MARCHF1: variants seen among roughly 807,000 people sequenced by gnomAD.
MARCHF1 encodes membrane associated ring-CH-type finger 1, also known as E3 ubiquitin-protein ligase MARCHF1.
In MARCHF1, 40 loss-of-function variants were observed where a neutral mutation model predicts 54.2. That is an observed-to-expected ratio of 0.74 (90% confidence interval 0.57 to 0.96). The LOEUF (loss-of-function observed/expected upper bound fraction) is 0.96. MARCHF1 is among the 40% of genes least tolerant of loss of function. The pLI is 0.00. For synonymous variants in MARCHF1, 236 were observed against 236.3 expected (o/e 1.00, Z 0.01); for missense variants, 586 against 656.5 (o/e 0.89, Z 1.17).
At chr4:164,000,934 T>C (rs1753174701) in intron 2 of MARCHF1, among the ~76,000 whole-genome samples, 1 of 151,660 alleles carries the variant, frequency 6.6e-6, no homozygotes, top group Non-Finnish European at 1.5e-5. Context: ...ATCGGTTATG[T>C]TTAGTTAGTC....
chr4:163,618,907 G>A (rs1741593700), intron 5 of MARCHF1, among the ~76,000 whole-genome samples: 1 of 149,834 alleles, frequency 6.7e-6, no homozygotes, highest in South Asian at 2.1e-4. Context: ...CTAACGTAGA[G>A]TAGAACAGGG....
At chr4:163,720,927 G>A (rs59368555) in intron 4 of MARCHF1, among the ~76,000 whole-genome samples, 5,901 of 152,174 alleles carry the variant, frequency 0.039, 174 homozygotes, top group East Asian at 0.078. Context: ...GGAGATTTTG[G>A]GCTGAGACGA....
intron 8 of MARCHF1, 64 bp from the exon 9 acceptor site, chr4:163,545,807 T>C: frequency 1.4e-6 from 2 of 1,472,918 alleles, no homozygotes; most frequent in South Asian, 1.2e-5. Context: ...TCCTCTTTTA[T>C]TTCCCAGACA....
intron 2 of MARCHF1, among the ~76,000 whole-genome samples, chr4:164,020,924 T>C (rs1191613713): frequency 6.6e-6 from 1 of 152,166 alleles, no homozygotes; most frequent in Non-Finnish European, 1.5e-5. Context: ...AAGACCATAG[T>C]GACTACGGTT....
chr4:163,833,218 G>C (rs1203081261), intron 4 of MARCHF1, among the ~76,000 whole-genome samples: 1 of 152,170 alleles, frequency 6.6e-6, no homozygotes, highest in Non-Finnish European at 1.5e-5. Flanking sequence ...CAGTGTAAAA[G>C]TGTTCCTATT....
At chr4:164,121,534 C>A (rs1046908527) in intron 1 of MARCHF1, among the ~76,000 whole-genome samples, 11 of 152,082 alleles carry the variant, frequency 7.2e-5, no homozygotes, top group Non-Finnish European at 1.6e-4. Flanking sequence ...CACTCACTGT[C>A]ATGAGAACAG....
intron 1 of MARCHF1, among the ~76,000 whole-genome samples, chr4:164,141,383 C>CTT (rs1756530167): frequency 6.6e-6 from 1 of 152,202 alleles, no homozygotes; most frequent in African/African-American, 2.4e-5. Flanking sequence ...TTTTAGCTGT[C>CTT]TTTAGACAAC....
intron 1 of MARCHF1, among the ~76,000 whole-genome samples, chr4:164,229,322 C>G (rs1019168050): frequency 2.6e-5 from 4 of 152,178 alleles, no homozygotes; most frequent in Non-Finnish European, 5.9e-5. Flanking sequence ...TTTGTGTGCT[C>G]TCTCTTTGGA....
intron 1 of MARCHF1, among the ~76,000 whole-genome samples, chr4:164,247,720 G>T (rs571872668): frequency 2.2e-4 from 33 of 151,052 alleles, no homozygotes; most frequent in African/African-American, 5.6e-4. Context: ...GAGATATTAT[G>T]TCGCTGTTTT....
intron 3 of MARCHF1, among the ~76,000 whole-genome samples, chr4:163,986,554 G>C (rs1008096250): frequency 3.3e-5 from 5 of 151,882 alleles, no homozygotes; most frequent in African/African-American, 9.7e-5. Context: ...CGTGAGCCAC[G>C]GCACCCGGCC....
At chr4:163,653,632 G>A (rs899500725) in intron 5 of MARCHF1, among the ~76,000 whole-genome samples, 15 of 151,586 alleles carry the variant, frequency 9.9e-5, no homozygotes, top group Admixed American at 3.3e-4. Context: ...ACTGATTATG[G>A]GACAGTTTGA....
At chr4:164,363,709 C>A (rs1009778405) in intron 1 of MARCHF1, among the ~76,000 whole-genome samples, 5 of 151,808 alleles carry the variant, frequency 3.3e-5, no homozygotes, top group Non-Finnish European at 1.5e-5. Context: ...TAAACAAAAC[C>A]GTCATTCAAT....
chr4:163,936,380 A>T (rs1016213271), intron 3 of MARCHF1, among the ~76,000 whole-genome samples: 1 of 152,248 alleles, frequency 6.6e-6, no homozygotes, highest in African/African-American at 2.4e-5. Context: ...AAAACAACAA[A>T]ATTGCATTGT....
intron 5 of MARCHF1, among the ~76,000 whole-genome samples, chr4:163,651,317 T>C (rs968195814): frequency 6.6e-6 from 1 of 151,896 alleles, no homozygotes; most frequent in Non-Finnish European, 1.5e-5. Context: ...AACAATATGA[T>C]CTGAGGGTTT....
intron 2 of MARCHF1, among the ~76,000 whole-genome samples, chr4:164,020,012 G>C (rs1753627901): frequency 6.6e-6 from 1 of 152,150 alleles, no homozygotes; most frequent in Non-Finnish European, 1.5e-5. Flanking sequence ...TTTTGGCAGT[G>C]GAAGCAGTTC....
intron 9 of MARCHF1, among the ~76,000 whole-genome samples, chr4:163,543,318 C>T (rs1738782024): frequency 1.3e-5 from 2 of 151,790 alleles, no homozygotes; most frequent in South Asian, 2.1e-4. Context: ...GGACAGATTC[C>T]AGAGGCATTC....
At chr4:163,902,500 G>C (rs762375010) in intron 3 of MARCHF1, among the ~76,000 whole-genome samples, 1 of 152,062 alleles carries the variant, frequency 6.6e-6, no homozygotes, top group Non-Finnish European at 1.5e-5. Context: ...AAATCTTTGA[G>C]ACACAATTTA....
intron 2 of MARCHF1, among the ~76,000 whole-genome samples, chr4:164,032,161 G>T (rs1199763791): frequency 1.3e-5 from 2 of 152,146 alleles, no homozygotes; most frequent in African/African-American, 4.8e-5. Context: ...TTGTATTTCT[G>T]TGGGGTCAGT....
intron 1 of MARCHF1, among the ~76,000 whole-genome samples, chr4:164,192,870 C>G (rs1053560970): frequency 6.6e-6 from 1 of 152,158 alleles, no homozygotes; most frequent in Non-Finnish European, 1.5e-5. Flanking sequence ...CTGCTAGGCA[C>G]TTTTCGGAAG....
Sources: allele counts gnomAD v4.1 joint callset (sites outside exome capture counted in the v4.1 genomes callset), GRCh38; gene constraint gnomAD v4.1.1; transcripts MANE v1.5; gene names NCBI Gene and HGNC (gene_info 2026-07-23, HGNC 2026-07-21).